CNTN3: variants seen among roughly 807,000 people sequenced by gnomAD.
CNTN3 encodes contactin 3, also known as contactin-3.
Under a neutral mutation model 119.1 loss-of-function variants are expected in CNTN3, and 60 were observed. That is an observed-to-expected ratio of 0.50 (90% confidence interval 0.41 to 0.62). The LOEUF (loss-of-function observed/expected upper bound fraction) is 0.62, where lower values mean the gene tolerates loss of function less well. CNTN3 is among the 20% of genes least tolerant of loss of function. CNTN3 has a pLI of 0.00. For synonymous variants in CNTN3, 450 were observed against 438.7 expected (o/e 1.03, Z -0.32); for missense variants, 1,101 against 1,242.4 (o/e 0.89, Z 1.71).
chr3:74,534,026 G>T, intron 1 of CNTN3, among the ~76,000 whole-genome samples: 1 of 152,048 alleles, frequency 6.6e-6, no homozygotes, highest in East Asian at 1.9e-4. Context: ...CTTCAGAGCA[G>T]CTTAGCATCA....
At chr3:74,270,685 A>G (rs930311151) in intron 20 of CNTN3, among the ~76,000 whole-genome samples, 12 of 152,174 alleles carry the variant, frequency 7.9e-5, no homozygotes, top group African/African-American at 2.7e-4. Context: ...TAGGACTTCT[A>G]ATTTTACTTT....
intron 11 of CNTN3, among the ~76,000 whole-genome samples, chr3:74,357,184 C>G (rs1483771819): frequency 1.3e-5 from 2 of 152,098 alleles, no homozygotes; most frequent in African/African-American, 4.8e-5. Context: ...CCTCGGCCTT[C>G]CAAAGTGCTG....
chr3:74,432,038 C>T (rs555048137), intron 4 of CNTN3, among the ~76,000 whole-genome samples: 173 of 149,850 alleles, frequency 1.2e-3, no homozygotes, highest in Middle Eastern at 3.4e-3. Context: ...CAATAGTCTT[C>T]CATACATAAT....
At chr3:74,462,388 A>C (rs1480093181) in intron 4 of CNTN3, among the ~76,000 whole-genome samples, 2 of 152,140 alleles carry the variant, frequency 1.3e-5, no homozygotes, top group Non-Finnish European at 2.9e-5. Context: ...TGCAAAATTT[A>C]CTCAAATAAA....
chr3:74,595,812 T>A (rs2106695314), intron 1 of CNTN3, among the ~76,000 whole-genome samples: 1 of 152,228 alleles, frequency 6.6e-6, no homozygotes, highest in South Asian at 2.1e-4. Context: ...CCACTCCTAT[T>A]CAACGTAGTG....
intron 1 of CNTN3, among the ~76,000 whole-genome samples, chr3:74,544,251 A>G (rs1445956105): frequency 1.3e-5 from 2 of 152,244 alleles, no homozygotes; most frequent in African/African-American, 4.8e-5. Context: ...ACCTTATGAT[A>G]TAACAATGTA....
chr3:74,525,423 C>T (rs916434117), intron 1 of CNTN3, among the ~76,000 whole-genome samples: 2 of 151,872 alleles, frequency 1.3e-5, no homozygotes, highest in African/African-American at 4.8e-5. Context: ...AATACTATCA[C>T]AATCTGACTT....
In CNTN3 at chr3:74,477,695, T is replaced by C. The variant is rs12487001; in HGVS notation, c.358+8761A>G. Among the ~76,000 whole-genome samples the C allele has an allele frequency of 1.6e-3, 249 of 152,084 alleles. 4 individuals carry two copies. The highest frequency in any genetic ancestry group is 0.015 in the Admixed American group (236 of 15,254). On this transcript the variant is annotated intron_variant, in intron 4 of 22. Transcript: ENST00000263665. ...CATTTTAAAATAACTGAGAGTGTAA[T>C]TGGATGGTTTATAACACGAAGGATA...
intron 5 of CNTN3, among the ~76,000 whole-genome samples, chr3:74,374,509 A>G (rs1298182560): frequency 1.3e-5 from 2 of 151,934 alleles, no homozygotes; most frequent in African/African-American, 4.8e-5. Context: ...CCCAGTTTCC[A>G]CTGAGACAAT....
intron 5 of CNTN3, among the ~76,000 whole-genome samples, chr3:74,389,429 T>C (rs1451456439): frequency 6.6e-6 from 1 of 152,202 alleles, no homozygotes; most frequent in Admixed American, 6.5e-5. Context: ...AAAAGGCCTG[T>C]AGCATTATTT....
Position 74,474,433 on chromosome 3 carries a change from G to A in CNTN3, c.358+12023C>T, listed in dbSNP as rs1000379268. On this transcript the variant is annotated intron_variant, in intron 4 of 22. Coordinates refer to ENST00000263665, the MANE Select transcript of CNTN3 (RefSeq NM_020872.3). ...TGGAGTTCAGGGCAGAGGTCAAGCT[G>A]GGAAATATAAATTTAGGAGTAATAA... Among the ~76,000 whole-genome samples the A allele has an allele frequency of 2.4e-4, 37 of 152,102 alleles. 1 individual carries two copies. Among genetic ancestry groups the A allele is most frequent in the Non-Finnish European group, 2.9e-5 (2 of 68,006 alleles).
At position 74,486,503 on chromosome 3, in the gene CNTN3, T is replaced by C; in HGVS notation, c.311A>G (p.Asn104Ser). The change falls in exon 4 of 23, where the codon AAT becomes AGT. Residue 104 changes from asparagine (N) to serine (S), a missense_variant. Physicochemically the swap from Asn to Ser is conservative, Grantham distance 46. Coordinates refer to ENST00000263665, the MANE Select transcript of CNTN3 (RefSeq NM_020872.3). ...DTGTYQCFAT[N>S]SLGTIVSREA... ...TCTGCTGACAATTGTTCCAAGTGAATTTGTTGCAAAACATTGGTAAGTTCC... is the reference window on the plus strand; with the variant it reads ...TCTGCTGACAATTGTTCCAAGTGAACTTGTTGCAAAACATTGGTAAGTTCC... The C allele has an allele frequency of 1.9e-6, 3 of 1,606,798 alleles. No individual in the cohort carries two copies. The highest frequency in any genetic ancestry group is 1.1e-5 in the South Asian group (1 of 88,980).
intron 1 of CNTN3, among the ~76,000 whole-genome samples, chr3:74,555,766 T>C (rs1375249858): frequency 6.6e-6 from 1 of 152,186 alleles, no homozygotes; most frequent in African/African-American, 2.4e-5. Flanking sequence ...ATATCCCCTT[T>C]ATCATTTTTT....
intron 3 of CNTN3, among the ~76,000 whole-genome samples, chr3:74,492,411 C>T (rs1257366142): frequency 6.6e-6 from 1 of 152,144 alleles, no homozygotes; most frequent in Non-Finnish European, 1.5e-5. Flanking sequence ...ACATTCTCTA[C>T]ACACAACAGG....
intron 1 of CNTN3, among the ~76,000 whole-genome samples, chr3:74,614,139 A>G (rs2106723622): frequency 6.6e-6 from 1 of 152,204 alleles, no homozygotes; most frequent in South Asian, 2.1e-4. Context: ...CTACCACTCA[A>G]TTTTCAGCGC....
intron 2 of CNTN3, among the ~76,000 whole-genome samples, chr3:74,515,006 G>T (rs1427239249): frequency 6.6e-6 from 1 of 151,970 alleles, no homozygotes; most frequent in Non-Finnish European, 1.5e-5. Flanking sequence ...CCTTAGAAAT[G>T]AATATTTTCT....
intron 5 of CNTN3, among the ~76,000 whole-genome samples, chr3:74,399,879 G>A (rs1705151060): frequency 6.6e-6 from 1 of 152,026 alleles, no homozygotes; most frequent in African/African-American, 2.4e-5. Context: ...TACTCACATG[G>A]CTGAAAAGTG....
chr3:74,302,396 T>G (rs902583061), intron 14 of CNTN3, among the ~76,000 whole-genome samples: 3 of 152,206 alleles, frequency 2.0e-5, no homozygotes, highest in Admixed American at 1.3e-4. Flanking sequence ...CTGCACAATA[T>G]TCTCTCTCAA....
chr3:74,486,229 C>T (rs1394592060), intron 4 of CNTN3, among the ~76,000 whole-genome samples: 1 of 151,468 alleles, frequency 6.6e-6, no homozygotes, highest in Non-Finnish European at 1.5e-5. Context: ...CACACCCCTA[C>T]ATGCACACAT....
Sources: allele counts gnomAD v4.1 joint callset (sites outside exome capture counted in the v4.1 genomes callset), GRCh38; gene constraint gnomAD v4.1.1; transcripts MANE v1.5; gene names NCBI Gene and HGNC (gene_info 2026-07-23, HGNC 2026-07-21).